BTBD9: variants seen among roughly 807,000 people sequenced by gnomAD.
The protein encoded by BTBD9 is BTB domain containing 9, also known as BTB/POZ domain-containing protein 9.
BTBD9 carries 49 observed loss-of-function variants against 64.3 expected under a neutral mutation model. The observed-to-expected ratio is 0.76, with a 90% CI of 0.61 to 0.97. The LOEUF is 0.97. BTBD9 is among the 50% of genes least tolerant of loss of function. The pLI, the probability that BTBD9 is intolerant of heterozygous loss-of-function variation, is 0.00. For missense variants in BTBD9, 598 were observed against 762.1 expected (o/e 0.78, Z 2.53); for synonymous variants, 260 against 274.7 (o/e 0.95, Z 0.53).
chr6:38,372,281 T>C (rs1765457468), intron 6 of BTBD9, among the ~76,000 whole-genome samples: 1 of 152,214 alleles, frequency 6.6e-6, no homozygotes, highest in Non-Finnish European at 1.5e-5. Flanking sequence ...AAACTGCTAG[T>C]TTATTCTCTT....
chr6:38,623,812 G>A (rs1179567551), intron 1 of BTBD9, among the ~76,000 whole-genome samples: 1 of 152,170 alleles, frequency 6.6e-6, no homozygotes, highest in Admixed American at 6.5e-5. Flanking sequence ...AGGCCATCAA[G>A]CTACAGATGG....
At chr6:38,577,965 T>C (rs1776128366) in intron 5 of BTBD9, among the ~76,000 whole-genome samples, 1 of 152,234 alleles carries the variant, frequency 6.6e-6, no homozygotes. Flanking sequence ...GGCCATCCTG[T>C]ACTTATATTC....
At chr6:38,333,657 C>T (rs762312373) in intron 7 of BTBD9, among the ~76,000 whole-genome samples, 3 of 152,206 alleles carry the variant, frequency 2.0e-5, no homozygotes, top group Admixed American at 6.5e-5. Context: ...GTTTTCCCTT[C>T]GCCTTTTGCC....
chr6:38,298,828 T>C (rs770889415), intron 7 of BTBD9, among the ~76,000 whole-genome samples: 5 of 151,856 alleles, frequency 3.3e-5, no homozygotes, highest in Non-Finnish European at 2.9e-5. Flanking sequence ...GTTCCATCCA[T>C]GTTGCTGCAA....
chr6:38,636,200 C>A (rs1778520336), intron 1 of BTBD9, among the ~76,000 whole-genome samples: 1 of 152,168 alleles, frequency 6.6e-6, no homozygotes, highest in Non-Finnish European at 1.5e-5. Flanking sequence ...AAAGGTCAGC[C>A]AACCAATAAA....
intron 8 of BTBD9, 65 bp from the exon 9 acceptor site, chr6:38,256,581 G>T: frequency 1.7e-6 from 2 of 1,153,258 alleles, no homozygotes; most frequent in Non-Finnish European, 2.6e-6. Context: ...TTAGGTTGTG[G>T]GCATATCCCT....
chr6:38,529,157 C>T lies in BTBD9; in HGVS notation c.1154+48443G>A, dbSNP rs549829915. On this transcript the variant is annotated intron_variant, in intron 6 of 10. Coordinates refer to ENST00000481247, the MANE Select transcript of BTBD9 (RefSeq NM_001099272.2). ...ATCAGCCATAGCCAGGCAGTGGTCA[C>T]TGTGGGGCTTGGGAAAGACCCATTG... Among the ~76,000 whole-genome samples, 10 of 152,210 alleles carry T rather than the reference C, an allele frequency of 6.6e-5. 1 individual carries two copies. Among genetic ancestry groups the T allele is most frequent in the Non-Finnish European group, 1.5e-5 (1 of 67,998 alleles).
intron 7 of BTBD9, among the ~76,000 whole-genome samples, chr6:38,322,586 G>A (rs185941104): frequency 7.2e-5 from 11 of 152,192 alleles, no homozygotes; most frequent in Admixed American, 2.6e-4. Context: ...AAGGTACAGA[G>A]GGTACAGTGA....
intron 6 of BTBD9, among the ~76,000 whole-genome samples, chr6:38,567,621 T>C (rs184714791): frequency 1.1e-3 from 170 of 152,294 alleles, no homozygotes; most frequent in African/African-American, 3.5e-3. Flanking sequence ...GATGAATTTT[T>C]AGAAGATGAA....
intron 7 of BTBD9, among the ~76,000 whole-genome samples, chr6:38,338,702 T>C (rs1276676006): frequency 6.6e-6 from 1 of 152,156 alleles, no homozygotes; most frequent in Non-Finnish European, 1.5e-5. Context: ...ACCAGACTTC[T>C]GTAATGCTGA....
chr6:38,272,781 A>C (rs1765238574), intron 8 of BTBD9, among the ~76,000 whole-genome samples: 1 of 152,212 alleles, frequency 6.6e-6, no homozygotes. Flanking sequence ...TGAACCTTCT[A>C]ATAAAAACAG....
intron 6 of BTBD9, among the ~76,000 whole-genome samples, chr6:38,522,520 G>T (rs1213217253): frequency 6.6e-6 from 1 of 152,146 alleles, no homozygotes; most frequent in Non-Finnish European, 1.5e-5. Context: ...GTCCGTCTGG[G>T]TCTTCTCCCA....
At chr6:38,357,977 G>A (rs1188127532) in intron 6 of BTBD9, among the ~76,000 whole-genome samples, 1 of 151,960 alleles carries the variant, frequency 6.6e-6, no homozygotes, top group Non-Finnish European at 1.5e-5. Flanking sequence ...TCACCATTCT[G>A]CAGAAAGATT....
intron 2 of BTBD9, among the ~76,000 whole-genome samples, chr6:38,597,419 G>A (rs1310020998): frequency 6.6e-6 from 1 of 152,176 alleles, no homozygotes; most frequent in African/African-American, 2.4e-5. Context: ...ATCAGCTTAA[G>A]ATTTATAACC....
chr6:38,568,090 T>C (rs989542675), intron 6 of BTBD9, among the ~76,000 whole-genome samples: 1 of 152,160 alleles, frequency 6.6e-6, no homozygotes, highest in Non-Finnish European at 1.5e-5. Context: ...TAATGGCTAA[T>C]TGGGAGATTC....
chr6:38,407,073 G>C (rs555932629), intron 6 of BTBD9, among the ~76,000 whole-genome samples: 1 of 152,232 alleles, frequency 6.6e-6, no homozygotes, highest in African/African-American at 2.4e-5. Flanking sequence ...GAGTGAACAA[G>C]AAGAAAGCAG....
At chr6:38,625,318 T>C (rs1778130343) in intron 1 of BTBD9, among the ~76,000 whole-genome samples, 1 of 152,210 alleles carries the variant, frequency 6.6e-6, no homozygotes, top group East Asian at 1.9e-4. Flanking sequence ...TATGCCAAAG[T>C]ACTTCCTAAA....
rs1280032447 is a variant in BTBD9 at position 38,170,593 on chromosome 6, G to A, written c.*4392C>T. ...GGTATGACTGGATCCGTGTCAGCGA[G>A]AGAGATGGGGGCATTCCAGTTGTCC... On this transcript the variant is annotated 3_prime_UTR_variant, in exon 11 of 11. Transcript: ENST00000481247. 6.6e-5 allele frequency: 10 copies of A among 152,288 alleles called. No homozygotes were observed. Among genetic ancestry groups the A allele is most frequent in the African/African-American group, 1.2e-4 (5 of 41,464 alleles). The allele number at this position is 152,288 out of a possible 1,614,324, so 9.4% of individuals were successfully genotyped here.
intron 6 of BTBD9, among the ~76,000 whole-genome samples, chr6:38,447,188 G>A (rs1769312957): frequency 1.3e-5 from 2 of 152,186 alleles, no homozygotes; most frequent in Non-Finnish European, 2.9e-5. Flanking sequence ...AGAAAATGTT[G>A]CAGCAGAGTG....
Sources: allele counts gnomAD v4.1 joint callset (sites outside exome capture counted in the v4.1 genomes callset), GRCh38; gene constraint gnomAD v4.1.1; transcripts MANE v1.5; gene names NCBI Gene and HGNC (gene_info 2026-07-23, HGNC 2026-07-21).